P3H2: variants seen among roughly 807,000 people sequenced by gnomAD.
P3H2 encodes the protein prolyl 3-hydroxylase 2.
In P3H2, 80 loss-of-function variants were observed where a neutral mutation model predicts 87.0. The ratio of observed to expected loss-of-function variants is 0.92; its 90% confidence interval spans 0.77 to 1.11. P3H2 has a LOEUF of 1.11. Ranked by LOEUF, P3H2 falls within the 50% of genes least tolerant of loss-of-function variation. The pLI, the probability that P3H2 is intolerant of heterozygous loss-of-function variation, is 0.00. For synonymous variants in P3H2, 367 were observed against 359.3 expected, an observed-to-expected ratio of 1.02 and a Z score of -0.24; for missense variants, 1,001 against 923.9, an observed-to-expected ratio of 1.08 and a Z score of -1.08.
chr3:189,979,342 C>A (rs1723453080), intron 8 of P3H2, among the ~76,000 whole-genome samples: 1 of 151,984 alleles, frequency 6.6e-6, no homozygotes, highest in South Asian at 2.1e-4. Context: ...GCAGGAGAAT[C>A]ACTTGAACCC....
intron 1 of P3H2, among the ~76,000 whole-genome samples, chr3:190,120,037 T>G (rs1051093191): frequency 1.3e-5 from 2 of 152,204 alleles, no homozygotes; most frequent in Non-Finnish European, 2.9e-5. Flanking sequence ...AGAGAGAAGC[T>G]GGCTCTGAGA....
chr3:190,017,432 A>G (rs1252522286), intron 1 of P3H2, among the ~76,000 whole-genome samples: 2 of 152,226 alleles, frequency 1.3e-5, no homozygotes, highest in Admixed American at 1.3e-4. Context: ...CAAAGAGCAT[A>G]CACATGGATG....
At position 189,956,757 on chromosome 3, in the gene P3H2, T is replaced by C. The variant is rs1033483798; in HGVS notation, c.*1155A>G. ...AATAAGCCTCCCTTTATTAAACAAA[T>C]CAGACACAAGCACAAATCTGTGTGC... On this transcript the variant is annotated 3_prime_UTR_variant, in exon 15 of 15. Transcript: ENST00000319332. 8 of 195,514 alleles carry C rather than the reference T, an allele frequency of 4.1e-5. No homozygotes were observed. Among genetic ancestry groups the C allele is most frequent in the Non-Finnish European group, 7.2e-5 (7 of 97,314 alleles). 12.1% of individuals were successfully genotyped at this position (195,514 alleles called of 1,614,324 possible).
At chr3:190,030,823 G>GA (rs35703853) in intron 1 of P3H2, among the ~76,000 whole-genome samples, 1 of 151,908 alleles carries the variant, frequency 6.6e-6, no homozygotes, top group Non-Finnish European at 1.5e-5. Context: ...CTTAATATAG[G>GA]AAAAATGAGG....
chr3:190,006,490 T>A (rs993606883), intron 1 of P3H2, among the ~76,000 whole-genome samples: 4 of 152,236 alleles, frequency 2.6e-5, no homozygotes, highest in Non-Finnish European at 5.9e-5. Flanking sequence ...CTGTGATAGA[T>A]GACAAGTGTC....
chr3:190,099,639 G>A (rs1487507826), intron 1 of P3H2, among the ~76,000 whole-genome samples: 3 of 151,910 alleles, frequency 2.0e-5, no homozygotes, highest in Non-Finnish European at 4.4e-5. Flanking sequence ...TTTTTGTGCA[G>A]CAAAAAAGCA....
chr3:190,116,061 C>T (rs58793706), intron 1 of P3H2, among the ~76,000 whole-genome samples: 3 of 152,008 alleles, frequency 2.0e-5, no homozygotes, highest in Non-Finnish European at 4.4e-5. Context: ...GAAATTATCA[C>T]TTTTTCCAAA....
Position 189,974,547 on chromosome 3 carries a change from C to T in P3H2, c.1452+11G>A, listed in dbSNP as rs978296647. On this transcript the variant is annotated intron_variant, in intron 9 of 14. Transcript: ENST00000319332. Reference sequence around the variant, plus strand: ...AGCGCAGTGAGCTCCCCTCCTTCTCCGGATCCTCACACTGGCCACGCTGTG... The same window carrying T: ...AGCGCAGTGAGCTCCCCTCCTTCTCTGGATCCTCACACTGGCCACGCTGTG... 14 of 1,613,056 alleles carry T rather than the reference C, an allele frequency of 8.7e-6. No homozygotes were observed. Among genetic ancestry groups the T allele is most frequent in the Middle Eastern group, 1.9e-4 (1 of 5,292 alleles).
At chr3:190,039,551 A>T (rs1350309372) in intron 1 of P3H2, among the ~76,000 whole-genome samples, 18 of 152,174 alleles carry the variant, frequency 1.2e-4, no homozygotes, top group African/African-American at 4.1e-4. Context: ...ATTTAAAAAC[A>T]TGTGTTAAGC....
intron 14 of P3H2, among the ~76,000 whole-genome samples, chr3:189,962,161 CTTTTTTTT>C (rs770628547): frequency 1.1e-5 from 1 of 87,648 alleles, no homozygotes; most frequent in Non-Finnish European, 2.1e-5. Context: ...TCTTCTTCTT[CTTTTTTTT>C]TTTTTTTTTT....
chr3:190,031,479 A>C (rs1172419474), intron 1 of P3H2, among the ~76,000 whole-genome samples: 1 of 152,092 alleles, frequency 6.6e-6, no homozygotes, highest in Non-Finnish European at 1.5e-5. Flanking sequence ...TCTACTAAAA[A>C]TACAAGAACT....
chr3:190,011,177 AGAG>A (rs1421220435), intron 1 of P3H2, among the ~76,000 whole-genome samples: 6 of 151,752 alleles, frequency 4.0e-5, no homozygotes, highest in Admixed American at 6.6e-5. Context: ...CAGGAGGCTG[AGAG>A]GAGAATTGCT....
At chr3:190,060,083 T>C (rs771920452) in intron 1 of P3H2, among the ~76,000 whole-genome samples, 4 of 152,210 alleles carry the variant, frequency 2.6e-5, no homozygotes, top group Non-Finnish European at 4.4e-5. Flanking sequence ...AACATTTTTC[T>C]TAAGACTAAT....
intron 13 of P3H2, among the ~76,000 whole-genome samples, chr3:189,964,404 T>C (rs1371477234): frequency 6.6e-6 from 1 of 152,072 alleles, no homozygotes; most frequent in Non-Finnish European, 1.5e-5. Flanking sequence ...GAAGGCAAAG[T>C]TTTCCTCTCA....
rs540143934 is a variant in P3H2, at chr3:190,049,517, T to C, written c.481-54075A>G. ...TGGTTGTTGATATGTGACAAATACA[T>C]TTCGCTTTCATGACATCTCTATGGA... On this transcript the variant is annotated intron_variant, in intron 1 of 14. Coordinates refer to ENST00000319332, the MANE Select transcript of P3H2 (RefSeq NM_018192.4). 2.0e-5 allele frequency among the ~76,000 whole-genome samples: 3 copies of C among 152,320 alleles called. No homozygotes were observed. In the East Asian group the frequency reaches 5.8e-4, roughly 29 times the overall value.
At chr3:189,995,875 C>T (rs1200567035) in intron 1 of P3H2, among the ~76,000 whole-genome samples, 1 of 152,124 alleles carries the variant, frequency 6.6e-6, no homozygotes, top group Non-Finnish European at 1.5e-5. Context: ...CATCACTAAT[C>T]ACCAGGGAAA....
intron 1 of P3H2, among the ~76,000 whole-genome samples, chr3:190,102,152 G>A (rs546839156): frequency 9.9e-5 from 15 of 152,258 alleles, no homozygotes; most frequent in African/African-American, 1.9e-4. Flanking sequence ...TGATGGAGGC[G>A]AACAAAGAGA....
intron 11 of P3H2, among the ~76,000 whole-genome samples, chr3:189,972,262 C>T (rs1010711579): frequency 3.9e-5 from 6 of 152,174 alleles, no homozygotes; most frequent in African/African-American, 1.4e-4. Flanking sequence ...TATAAACATA[C>T]ATGAACAAAT....
intron 1 of P3H2, among the ~76,000 whole-genome samples, chr3:190,066,833 C>A (rs1260826054): frequency 6.6e-6 from 1 of 151,978 alleles, no homozygotes; most frequent in African/African-American, 2.4e-5. Context: ...AGTCAGACAG[C>A]CCCTCATCTG....
Sources: allele counts gnomAD v4.1 joint callset (sites outside exome capture counted in the v4.1 genomes callset), GRCh38; gene constraint gnomAD v4.1.1; transcripts MANE v1.5; gene names NCBI Gene and HGNC (gene_info 2026-07-23, HGNC 2026-07-21).